Variants in PCDH9 observed in about 807,000 individuals in gnomAD.
PCDH9 encodes protocadherin 9.
A neutral mutation model predicts 70.6 loss-of-function variants in PCDH9; 24 were observed. The ratio of observed to expected loss-of-function variants is 0.34; its 90% CI spans 0.25 to 0.48. The LOEUF (loss-of-function observed/expected upper bound fraction) is 0.48. PCDH9 is among the 20% of genes least tolerant of loss of function. The pLI is 0.99. For missense variants in PCDH9, 1,281 were observed against 1,503.6 expected, an observed-to-expected ratio of 0.85 and a Z score of 2.45; for synonymous variants, 562 against 558.5, an observed-to-expected ratio of 1.01 and a Z score of -0.09.
chr13:67,202,780 T>C (rs879723554), intron 2 of PCDH9: 2 of 152,104 alleles, frequency 1.3e-5, no homozygotes, highest in Non-Finnish European at 2.9e-5. Context: ...TCACATTCAA[T>C]TTATGAGAGG....
chr13:66,915,293 T>G (rs1431280026), intron 2 of PCDH9, among the ~76,000 whole-genome samples: 1 of 151,666 alleles, frequency 6.6e-6, no homozygotes, highest in Non-Finnish European at 1.5e-5. Flanking sequence ...CATGGCTTTT[T>G]GGGATCTTGT....
intron 2 of PCDH9, among the ~76,000 whole-genome samples, chr13:66,983,162 C>A (rs1027092886): frequency 1.3e-5 from 2 of 152,188 alleles, no homozygotes; most frequent in Non-Finnish European, 2.9e-5. Flanking sequence ...CAAATCACCA[C>A]GGCAGACGTT....
chr13:67,033,452 T>G (rs1360430374), intron 2 of PCDH9, among the ~76,000 whole-genome samples: 1 of 152,188 alleles, frequency 6.6e-6, no homozygotes, highest in African/African-American at 2.4e-5. Flanking sequence ...TTCCCCTTTT[T>G]TCTTTCTGTA....
At chr13:67,067,831 A>G (rs896845729) in intron 2 of PCDH9, among the ~76,000 whole-genome samples, 1 of 152,008 alleles carries the variant, frequency 6.6e-6, no homozygotes, top group African/African-American at 2.4e-5. Context: ...ATTGAAAACT[A>G]GTTTGGTAGA....
At chr13:66,563,520 T>C (rs2076607523) in intron 4 of PCDH9, among the ~76,000 whole-genome samples, 1 of 152,292 alleles carries the variant, frequency 6.6e-6, no homozygotes, top group East Asian at 1.9e-4. Flanking sequence ...CAATGGCTTC[T>C]CCTTATGCTT....
chr13:66,806,495 C>T, intron 3 of PCDH9, among the ~76,000 whole-genome samples: 1 of 147,138 alleles, frequency 6.8e-6, no homozygotes, highest in Non-Finnish European at 1.5e-5. Flanking sequence ...GTAGTCTTGG[C>T]TATGTATGAT....
At position 66,311,041 on chromosome 13, in the gene PCDH9, C is replaced by T. The variant is rs1002348775; in HGVS notation, c.3341-6013G>A. The stretch of plus-strand genomic sequence containing the variant: ...ACTTTAAAATGAAAGATGCATTCCA[C>T]TGATTTGGATTTGCTAAAGCAGTTT... On this transcript the variant is annotated intron_variant, in intron 4 of 4. Transcript: ENST00000377865. Among the ~76,000 whole-genome samples the T allele has an allele frequency of 4.6e-5, 7 of 152,144 alleles. No individual in the cohort carries two copies. In the South Asian group the frequency reaches 6.2e-4, roughly 14 times the overall value.
Position 66,607,384 on chromosome 13 carries a change from C to T in PCDH9, c.3340+23826G>A, listed in dbSNP as rs561068614. On this transcript the variant is annotated intron_variant, in intron 4 of 4. Coordinates refer to ENST00000377865, the MANE Select transcript of PCDH9 (RefSeq NM_203487.3). Reference sequence around the variant, plus strand: ...TAAATGGTAATATTATTATTAACGTCCAAACTCTTACAAATTATGTAGTGA... The same window carrying T: ...TAAATGGTAATATTATTATTAACGTTCAAACTCTTACAAATTATGTAGTGA... Among the ~76,000 whole-genome samples the T allele has an allele frequency of 4.6e-5, 7 of 152,108 alleles. No individual in the cohort carries two copies. In the South Asian group the frequency reaches 1.2e-3, roughly 27 times the overall value.
At chr13:66,558,503 A>G (rs1961845797) in intron 4 of PCDH9, among the ~76,000 whole-genome samples, 1 of 152,020 alleles carries the variant, frequency 6.6e-6, no homozygotes, top group Non-Finnish European at 1.5e-5. Flanking sequence ...GTACACAGAA[A>G]AATATTTCAC....
At chr13:66,767,023 A>G (rs1242389398) in intron 3 of PCDH9, among the ~76,000 whole-genome samples, 1 of 152,096 alleles carries the variant, frequency 6.6e-6, no homozygotes, top group Admixed American at 6.6e-5. Flanking sequence ...TAATTAATAA[A>G]TTGATAAATA....
At chr13:67,172,056 C>T (rs1046838529) in intron 2 of PCDH9, among the ~76,000 whole-genome samples, 5 of 152,176 alleles carry the variant, frequency 3.3e-5, no homozygotes, top group Admixed American at 6.5e-5. Context: ...ACTTTTGAAA[C>T]TTATGCAGCC....
At chr13:66,621,176 T>C (rs773456647) in intron 4 of PCDH9, among the ~76,000 whole-genome samples, 1 of 152,174 alleles carries the variant, frequency 6.6e-6, no homozygotes, top group Admixed American at 6.5e-5. Flanking sequence ...AGGCAAGACA[T>C]GAGGCTTGCT....
At chr13:66,885,521 AT>A (rs2081990885) in intron 3 of PCDH9, among the ~76,000 whole-genome samples, 1 of 152,154 alleles carries the variant, frequency 6.6e-6, no homozygotes, top group African/African-American at 2.4e-5. Flanking sequence ...TAAAACAATA[AT>A]TTATATTATA....
intron 2 of PCDH9, among the ~76,000 whole-genome samples, chr13:67,105,013 C>A (rs1477879623): frequency 2.0e-5 from 3 of 152,124 alleles, no homozygotes; most frequent in Non-Finnish European, 1.5e-5. Flanking sequence ...GAACTCAAAT[C>A]TTCTCCCTTC....
intron 2 of PCDH9, among the ~76,000 whole-genome samples, chr13:67,028,330 A>G (rs1437538304): frequency 1.4e-5 from 2 of 144,556 alleles, no homozygotes; most frequent in African/African-American, 2.5e-5. Context: ...AAAAAACCAA[A>G]CACCGCATAT....
Position 66,488,891 on chromosome 13 carries a change from G to T in PCDH9, c.3340+142319C>A, listed in dbSNP as rs535031847. ...TTCAGATGGATTAAACACTTAAATA[G>T]AACAAACCAACCTAGAAAAATGGTT... is the stretch of plus-strand genomic sequence containing the variant. On this transcript the variant is annotated intron_variant, in intron 4 of 4. Coordinates refer to ENST00000377865, the MANE Select transcript of PCDH9 (RefSeq NM_203487.3). Among the ~76,000 whole-genome samples, 55 of 152,112 alleles carry T rather than the reference G, an allele frequency of 3.6e-4. No homozygotes were observed. The South Asian group carries it at 0.011, about 32-fold the overall frequency.
At chr13:66,719,240 C>T (rs187788495) in intron 3 of PCDH9, among the ~76,000 whole-genome samples, 1 of 149,742 alleles carries the variant, frequency 6.7e-6, no homozygotes, top group Non-Finnish European at 1.5e-5. Context: ...TCCCGTGAGT[C>T]AATTCCTCAT....
At position 67,000,033 on chromosome 13, in the gene PCDH9, G is replaced by A. The variant is rs879853583; in HGVS notation, c.3037-96428C>T. ...TGCCGCTATAAAGACACATGCACAC[G>A]TATGTTTATTGCGGCACTATTCACA... On this transcript the variant is annotated intron_variant, in intron 2 of 4. Coordinates refer to ENST00000377865, the MANE Select transcript of PCDH9 (RefSeq NM_203487.3). Among the ~76,000 whole-genome samples the A allele has an allele frequency of 9.2e-5, 14 of 152,136 alleles. No homozygotes were observed. The East Asian group carries it at 1.9e-3, about 21-fold the overall frequency.
intron 4 of PCDH9, among the ~76,000 whole-genome samples, chr13:66,492,470 CAAAT>C (rs981543900): frequency 2.0e-5 from 3 of 147,202 alleles, no homozygotes; most frequent in African/African-American, 4.9e-5. Flanking sequence ...TAAATATAAA[CAAAT>C]ATATATAATG....
Sources: allele counts gnomAD v4.1 joint callset (sites outside exome capture counted in the v4.1 genomes callset), GRCh38; gene constraint gnomAD v4.1.1; transcripts MANE v1.5; gene names NCBI Gene and HGNC (gene_info 2026-07-23, HGNC 2026-07-21).